Variants in MYH15 observed in about 807,000 individuals in gnomAD.
The protein encoded by MYH15 is myosin heavy chain 15.
In MYH15, 227 loss-of-function variants were observed where a neutral mutation model predicts 240.5. That is an observed-to-expected ratio of 0.94 (90% CI 0.85 to 1.05). MYH15 has a LOEUF of 1.05. MYH15 is among the 50% of genes least tolerant of loss of function. The probability of loss-of-function intolerance (pLI) is 0.00; values close to 1 mark genes in which losing one functional copy is unlikely to be tolerated. For synonymous variants in MYH15, 785 were observed against 796.7 expected, an observed-to-expected ratio of 0.99 and a Z score of 0.25; for missense variants, 2,217 against 2,247.5, an observed-to-expected ratio of 0.99 and a Z score of 0.27.
chr3:108,415,086 C>A (rs2082622923), intron 29 of MYH15, among the ~76,000 whole-genome samples: 2 of 152,124 alleles, frequency 1.3e-5, no homozygotes, highest in Admixed American at 1.3e-4. Context: ...TAAATAGTTA[C>A]CTGTAGTGTA....
intron 22 of MYH15, among the ~76,000 whole-genome samples, chr3:108,443,981 C>T (rs1216113852): frequency 1.4e-5 from 1 of 73,112 alleles, no homozygotes; most frequent in East Asian, 3.5e-4. Flanking sequence ...GGGAACATCA[C>T]ACTCTGGGGA....
chr3:108,404,131 A>T (rs1171696035), intron 33 of MYH15, among the ~76,000 whole-genome samples: 3 of 152,130 alleles, frequency 2.0e-5, no homozygotes, highest in African/African-American at 7.2e-5. Flanking sequence ...AGTAGATCAG[A>T]ATTCCTCGCC....
At chr3:108,475,287 C>G (rs1343718669) in intron 12 of MYH15, among the ~76,000 whole-genome samples, 1 of 152,016 alleles carries the variant, frequency 6.6e-6, no homozygotes, top group Non-Finnish European at 1.5e-5. Flanking sequence ...ACTCAGTTTC[C>G]TCAACTAGGA....
intron 9 of MYH15, among the ~76,000 whole-genome samples, chr3:108,490,050 G>T (rs574892847): frequency 6.6e-6 from 1 of 152,264 alleles, no homozygotes; most frequent in East Asian, 1.9e-4. Context: ...AGTCTCTGCT[G>T]GTACCCACAT....
intron 22 of MYH15, 128 bp from the exon 23 acceptor site, chr3:108,441,388 C>T (rs576771116): frequency 1.9e-6 from 2 of 1,032,748 alleles, no homozygotes; most frequent in African/African-American, 3.2e-5. Context: ...CCTACCTTTC[C>T]TAAACAGCTG....
intron 1 of MYH15, among the ~76,000 whole-genome samples, chr3:108,509,559 C>T (rs1220396599): frequency 6.6e-6 from 1 of 152,204 alleles, no homozygotes; most frequent in African/African-American, 2.4e-5. Context: ...TCCTCCATAA[C>T]TGGCTTGAAT....
chr3:108,384,888 C>T, intron 38 of MYH15, 106 bp from the exon 39 acceptor site: 1 of 941,670 alleles, frequency 1.1e-6, no homozygotes, highest in Non-Finnish European at 1.6e-6. Context: ...TATTAAACAT[C>T]ATCTCAGAGT....
chr3:108,454,825 T>A (rs1318124261), intron 20 of MYH15, among the ~76,000 whole-genome samples: 1 of 152,180 alleles, frequency 6.6e-6, no homozygotes, highest in Non-Finnish European at 1.5e-5. Context: ...CCTGAGAGTG[T>A]GTGCCTTTCA....
chr3:108,399,614 G>A (rs1166521570), intron 33 of MYH15, among the ~76,000 whole-genome samples: 1 of 152,164 alleles, frequency 6.6e-6, no homozygotes, highest in Non-Finnish European at 1.5e-5. Context: ...GTTTCCTGTG[G>A]TGGCTAAGGA....
At chr3:108,409,919 T>C (rs945602942) in intron 31 of MYH15, among the ~76,000 whole-genome samples, 2 of 152,224 alleles carry the variant, frequency 1.3e-5, no homozygotes, top group Non-Finnish European at 2.9e-5. Flanking sequence ...AAACACTATG[T>C]AGCTATTAAA....
the MYH15 span, among the ~76,000 whole-genome samples, chr3:108,545,112 G>C: frequency 6.6e-6 from 1 of 152,088 alleles, no homozygotes; most frequent in Admixed American, 6.5e-5. Flanking sequence ...CTAATCTGAA[G>C]TATGAAAAAT....
rs1053465254 is a variant in MYH15, at chr3:108,381,251, T to C, written c.*294A>G. 1 of 468,592 alleles carries C rather than the reference T, an allele frequency of 2.1e-6. No homozygotes were observed. The highest frequency in any genetic ancestry group is 2.0e-5 in the African/African-American group (1 of 50,902). 29.0% of individuals were successfully genotyped at this position (468,592 alleles called of 1,614,324 possible). On this transcript the variant is annotated 3_prime_UTR_variant, in exon 41 of 41. Transcript: ENST00000693548. ...ATTAAGAGGAAATATGGACAAAGGA[T>C]CAAGTATTTATTCATTTTTTAAACA...
Position 108,473,331 on chromosome 3 carries a change from C to A in MYH15, c.1234-2484G>T, listed in dbSNP as rs9789948. Among the ~76,000 whole-genome samples the A allele has an allele frequency of 2.0e-5, 3 of 152,146 alleles. No individual in the cohort carries two copies. In the East Asian group the frequency reaches 5.8e-4, roughly 29 times the overall value. The stretch of plus-strand genomic sequence containing the variant: ...GCCAAAATTTTTAACTATGTTGATC[C>A]CTCTCTTTCTCATCTGTAAAATAAT... On this transcript the variant is annotated intron_variant, in intron 12 of 40. Transcript: ENST00000693548.
intron 32 of MYH15, among the ~76,000 whole-genome samples, chr3:108,406,085 G>C (rs1280456466): frequency 6.6e-6 from 1 of 152,202 alleles, no homozygotes; most frequent in Admixed American, 6.5e-5. Flanking sequence ...TTCAAATATA[G>C]TTAAGGCAAT....
chr3:108,414,035 T>C (rs923545958), intron 30 of MYH15, among the ~76,000 whole-genome samples, 197 bp downstream of exon 30: 4 of 152,238 alleles, frequency 2.6e-5, no homozygotes, highest in Non-Finnish European at 5.9e-5. Context: ...CTTTGTATTA[T>C]ACTTTTTATA....
At chr3:108,463,310 G>A (rs1203487848) in intron 15 of MYH15, 67 bp from the exon 16 acceptor site, 1 of 1,499,292 alleles carries the variant, frequency 6.7e-7, no homozygotes, top group Non-Finnish European at 9.0e-7. Flanking sequence ...ATGGAAGGCT[G>A]TGCATTACCC....
At chr3:108,520,934 A>G (rs1205605654) in intron 1 of MYH15, among the ~76,000 whole-genome samples, 1 of 152,192 alleles carries the variant, frequency 6.6e-6, no homozygotes, top group African/African-American at 2.4e-5. Flanking sequence ...TATAATCCTC[A>G]TAACAACCTT....
Position 108,380,818 on chromosome 3 carries a change from T to C in MYH15, c.*727A>G, listed in dbSNP as rs929102353. 3 of 152,436 alleles carry C rather than the reference T, an allele frequency of 2.0e-5. No individual in the cohort carries two copies. Among genetic ancestry groups the C allele is most frequent in the Non-Finnish European group, 4.4e-5 (3 of 68,230 alleles). The allele number at this position is 152,436 out of a possible 1,614,324, so 9.4% of individuals were successfully genotyped here. A position where few individuals can be genotyped will look rare whatever the true frequency, so the allele number is the denominator to read the frequency against. ...TGCTGATCAAATTAATGCAAATTTC[T>C]TTATGACCTACTCCAATCCAGAACC... On this transcript the variant is annotated 3_prime_UTR_variant, in exon 41 of 41. Coordinates refer to ENST00000693548, the MANE Select transcript of MYH15 (RefSeq NM_014981.3).
At chr3:108,503,884 G>A (rs2688255) in intron 2 of MYH15, among the ~76,000 whole-genome samples, 137,643 of 152,258 alleles carry the variant, frequency 0.9, 63,246 homozygotes, top group Middle Eastern at 0.95. Flanking sequence ...AATAGACAGA[G>A]CATACAAACA....
Sources: gnomAD v4.1 joint callset for allele counts (sites outside exome capture counted in the v4.1 genomes callset) on GRCh38, gnomAD v4.1.1 for gene constraint, MANE v1.5 for transcripts, NCBI Gene and HGNC (gene_info 2026-07-23, HGNC 2026-07-21) for gene names.